Variants in CDH13 observed in about 807,000 individuals in gnomAD.
CDH13 encodes cadherin 13.
A neutral mutation model predicts 63.8 loss-of-function variants in CDH13; 24 were observed. The ratio of observed to expected loss-of-function variants is 0.38; its 90% CI spans 0.27 to 0.53. The LOEUF (loss-of-function observed/expected upper bound fraction) is 0.53. CDH13 is among the 20% of genes least tolerant of loss of function. The pLI, the probability that CDH13 is intolerant of heterozygous loss-of-function variation, is 0.85. For synonymous variants in CDH13, 503 were observed against 355.3 expected, an observed-to-expected ratio of 1.42 and a Z score of -4.67; for missense variants, 1,049 against 903.1, an observed-to-expected ratio of 1.16 and a Z score of -2.07.
intron 1 of CDH13, among the ~76,000 whole-genome samples, chr16:82,723,530 G>T (rs925399510): frequency 1.4e-4 from 22 of 152,032 alleles, no homozygotes; most frequent in African/African-American, 5.3e-4. Context: ...ATGCAAATTT[G>T]CCCTATTCCT....
At chr16:83,226,774 C>A (rs967356316) in intron 5 of CDH13, among the ~76,000 whole-genome samples, 8 of 152,196 alleles carry the variant, frequency 5.3e-5, no homozygotes, top group African/African-American at 1.9e-4. Context: ...CTCAGACTCC[C>A]AGGACTTGAG....
chr16:83,426,772 A>G (rs923996204), intron 6 of CDH13, among the ~76,000 whole-genome samples: 23 of 152,000 alleles, frequency 1.5e-4, no homozygotes, highest in Admixed American at 1.1e-3. Context: ...CACTTGTCCT[A>G]CCAAACTTAA....
At chr16:83,491,839 G>C (rs77631886) in intron 7 of CDH13, among the ~76,000 whole-genome samples, 1 of 151,952 alleles carries the variant, frequency 6.6e-6, no homozygotes, top group African/African-American at 2.4e-5. Context: ...AGCTGGTAAC[G>C]CACTTTCTGA....
chr16:83,702,296 C>A (rs772572101), intron 10 of CDH13, among the ~76,000 whole-genome samples: 8 of 152,086 alleles, frequency 5.3e-5, no homozygotes, highest in Non-Finnish European at 1.2e-4. Flanking sequence ...ATAGATAACC[C>A]CTCAAATCTC....
intron 1 of CDH13, among the ~76,000 whole-genome samples, chr16:82,702,164 T>G (rs2031083200): frequency 6.6e-6 from 1 of 152,160 alleles, no homozygotes; most frequent in African/African-American, 2.4e-5. Flanking sequence ...CTGAGATCCA[T>G]GCTTTTCCCT....
intron 4 of CDH13, among the ~76,000 whole-genome samples, chr16:83,204,698 G>C (rs1166371992): frequency 6.6e-6 from 1 of 152,134 alleles, no homozygotes; most frequent in Non-Finnish European, 1.5e-5. Flanking sequence ...TTAGGCTTTG[G>C]TGACAAGAAA....
At chr16:83,385,224 T>C (rs569978111) in intron 6 of CDH13, among the ~76,000 whole-genome samples, 76 of 152,376 alleles carry the variant, frequency 5.0e-4, no homozygotes, top group African/African-American at 1.7e-3. Flanking sequence ...AGAGAATCAT[T>C]GTTTCCATTA....
At chr16:83,202,735 TA>T (rs780592518) in intron 4 of CDH13, among the ~76,000 whole-genome samples, 14 of 152,222 alleles carry the variant, frequency 9.2e-5, no homozygotes, top group African/African-American at 1.4e-4. Flanking sequence ...TCATGTTGAT[TA>T]CTAGCAAATG....
chr16:83,484,159 A>C (rs974650461), intron 6 of CDH13, among the ~76,000 whole-genome samples: 6 of 152,158 alleles, frequency 3.9e-5, no homozygotes, highest in African/African-American at 1.4e-4. Context: ...AGGCCTAATG[A>C]CTGATACTCT....
At position 83,142,095 on chromosome 16, in the gene CDH13, C is replaced by G. The variant is rs548642448; in HGVS notation, c.483+16594C>G. Among the ~76,000 whole-genome samples, 5 of 151,492 alleles carry G rather than the reference C, an allele frequency of 3.3e-5. No homozygotes were observed. In the South Asian group the frequency reaches 1.0e-3, roughly 32 times the overall value. Reference sequence around the variant, plus strand: ...AACGGATATAACCGAAACGGGCTATCTGGTGAGCATAAGTTCTACATTAAG... The same window carrying G: ...AACGGATATAACCGAAACGGGCTATGTGGTGAGCATAAGTTCTACATTAAG... On this transcript the variant is annotated intron_variant, in intron 4 of 13. Transcript: ENST00000567109.
intron 8 of CDH13, among the ~76,000 whole-genome samples, chr16:83,634,480 G>A (rs540189150): frequency 2.0e-5 from 3 of 150,300 alleles, no homozygotes; most frequent in South Asian, 4.2e-4. Context: ...GGCTCATTGC[G>A]ACCTCCGCCT....
chr16:83,179,629 G>T (rs549216362), intron 4 of CDH13, among the ~76,000 whole-genome samples: 3 of 150,100 alleles, frequency 2.0e-5, no homozygotes, highest in African/African-American at 7.4e-5. Flanking sequence ...TCCAGCCTGG[G>T]CTACAGAGCG....
At chr16:82,719,492 G>A (rs767446708) in intron 1 of CDH13, 7 of 454,174 alleles carry the variant, frequency 1.5e-5, no homozygotes, top group African/African-American at 1.4e-4. Flanking sequence ...TACATGAGAT[G>A]TGAAGGCAGT....
chr16:82,836,997 G>T (rs1426456815), intron 1 of CDH13, among the ~76,000 whole-genome samples: 1 of 152,190 alleles, frequency 6.6e-6, no homozygotes, highest in Non-Finnish European at 1.5e-5. Flanking sequence ...AAGATTAAGA[G>T]GTGGAGCTTG....
At chr16:82,696,145 G>A (rs968884720) in intron 1 of CDH13, among the ~76,000 whole-genome samples, 1 of 152,124 alleles carries the variant, frequency 6.6e-6, no homozygotes, top group Non-Finnish European at 1.5e-5. Flanking sequence ...GGACTCTGAT[G>A]AAATCTTTAG....
chr16:83,052,933 A>G (rs1386597910), intron 3 of CDH13, among the ~76,000 whole-genome samples: 1 of 152,190 alleles, frequency 6.6e-6, no homozygotes, highest in Non-Finnish European at 1.5e-5. Context: ...CAAAGCCTAA[A>G]GATATTCTGG....
At chr16:83,000,637 T>C (rs952194731) in intron 2 of CDH13, among the ~76,000 whole-genome samples, 19 of 149,736 alleles carry the variant, frequency 1.3e-4, no homozygotes, top group African/African-American at 4.7e-4. Flanking sequence ...TTGCCCAGGC[T>C]AGAGTGCAGT....
chr16:83,235,587 T>G (rs2040120522), intron 5 of CDH13, among the ~76,000 whole-genome samples: 1 of 125,110 alleles, frequency 8.0e-6, no homozygotes, highest in African/African-American at 2.6e-5. Context: ...GTGGTGTTTT[T>G]TTTTTTTTTT....
intron 6 of CDH13, among the ~76,000 whole-genome samples, chr16:83,370,419 G>T (rs114713273): frequency 6.6e-6 from 1 of 150,392 alleles, no homozygotes; most frequent in Non-Finnish European, 1.5e-5. Flanking sequence ...CATATTTTCA[G>T]TTCTATCTTC....
Sources: allele counts gnomAD v4.1 joint callset (sites outside exome capture counted in the v4.1 genomes callset), GRCh38; gene constraint gnomAD v4.1.1; transcripts MANE v1.5; gene names NCBI Gene and HGNC (gene_info 2026-07-23, HGNC 2026-07-21).